The following TNFSF4 variants were observed in gnomAD, a reference collection of about 807,000 sequenced individuals.
The protein encoded by TNFSF4 is TNF superfamily member 4.
A neutral mutation model predicts 7.3 loss-of-function variants in TNFSF4; 4 were observed. The ratio of observed to expected loss-of-function variants is 0.55; its 90% CI spans 0.27 to 1.25. The LOEUF (loss-of-function observed/expected upper bound fraction) is 1.25, where lower values mean the gene tolerates loss of function less well. Among genes scored for constraint, TNFSF4 ranks in the 50% most tolerant of loss-of-function variants. The pLI, the probability that TNFSF4 is intolerant of heterozygous loss-of-function variation, is 0.12. For missense variants in TNFSF4, 181 were observed against 208.8 expected (o/e 0.87, Z 0.82); for synonymous variants, 76 against 83.7 (o/e 0.91, Z 0.50).
the TNFSF4 span, among the ~76,000 whole-genome samples, chr1:173,257,866 A>G: frequency 6.6e-6 from 1 of 152,200 alleles, no homozygotes; most frequent in Non-Finnish European, 1.5e-5. Flanking sequence ...GTTGAACTCA[A>G]TTTCTGGCAC....
chr1:173,194,457 G>GAT (rs1649610932), intron 1 of TNFSF4, among the ~76,000 whole-genome samples: 1 of 152,186 alleles, frequency 6.6e-6, no homozygotes, highest in African/African-American at 2.4e-5. Context: ...ATCACTGTAG[G>GAT]CTTTGACAGC....
the TNFSF4 span, chr1:173,440,763 TTA>T: frequency 6.6e-6 from 1 of 152,230 alleles, no homozygotes; most frequent in East Asian, 1.9e-4. Flanking sequence ...AAAAATAGGT[TTA>T]TTTTTTAATA....
the TNFSF4 span, among the ~76,000 whole-genome samples, chr1:173,303,930 T>C: frequency 1.3e-5 from 2 of 151,972 alleles, no homozygotes; most frequent in Non-Finnish European, 2.9e-5. Flanking sequence ...TCATAATTAT[T>C]TTTATTCTGT....
the TNFSF4 span, among the ~76,000 whole-genome samples, chr1:173,411,580 A>G: frequency 6.6e-6 from 1 of 152,126 alleles, no homozygotes; most frequent in Non-Finnish European, 1.5e-5. Context: ...TGGGCAGATC[A>G]CTTGAGGCCA....
chr1:173,234,184 G>A, the TNFSF4 span, among the ~76,000 whole-genome samples: 32 of 152,248 alleles, frequency 2.1e-4, no homozygotes, highest in Admixed American at 2.0e-3. Context: ...GCAGCCAACA[G>A]GCACATGAAA....
In TNFSF4 at chr1:173,184,758, A is replaced by G. The variant is rs1649152418; in HGVS notation, c.*1758T>C. ...ACAATCTTCTGAGTAGTGAAGCCAG[A>G]TATCATTGAATATCTGTCTCAGAAT... On this transcript the variant is annotated 3_prime_UTR_variant, in exon 3 of 3. Transcript: ENST00000281834. 1 of 152,140 alleles carries G rather than the reference A, an allele frequency of 6.6e-6. No homozygotes were observed. Among genetic ancestry groups the G allele is most frequent in the Admixed American group, 6.5e-5 (1 of 15,270 alleles). The allele number at this position is 152,140 out of a possible 1,614,324, so 9.4% of individuals were successfully genotyped here.
the TNFSF4 span, among the ~76,000 whole-genome samples, chr1:173,255,967 T>A: frequency 6.6e-6 from 1 of 152,104 alleles, no homozygotes; most frequent in Non-Finnish European, 1.5e-5. Context: ...AAGGTGGAAG[T>A]GGAAAAGAGA....
the TNFSF4 span, among the ~76,000 whole-genome samples, chr1:173,321,089 C>T: frequency 6.6e-6 from 1 of 152,178 alleles, no homozygotes; most frequent in African/African-American, 2.4e-5. Flanking sequence ...TACTACAAGG[C>T]TACAGTAACC....
chr1:173,317,404 T>C, the TNFSF4 span, among the ~76,000 whole-genome samples: 3 of 152,240 alleles, frequency 2.0e-5, no homozygotes, highest in Non-Finnish European at 1.5e-5. Context: ...GTGTGATTAC[T>C]ACACATACCT....
the TNFSF4 span, among the ~76,000 whole-genome samples, chr1:173,319,711 A>G: frequency 2.6e-5 from 4 of 152,236 alleles, no homozygotes; most frequent in South Asian, 2.1e-4. Context: ...ATACCCAGGG[A>G]AACAGGGTCT....
chr1:173,327,195 C>T, the TNFSF4 span, among the ~76,000 whole-genome samples: 3 of 152,074 alleles, frequency 2.0e-5, no homozygotes, highest in African/African-American at 7.2e-5. Context: ...CAGAACAGAG[C>T]CCTCAGAAAT....
At chr1:173,369,305 G>A in the TNFSF4 span, among the ~76,000 whole-genome samples, 1 of 152,188 alleles carries the variant, frequency 6.6e-6, no homozygotes, top group Admixed American at 6.5e-5. Context: ...GACTCTAACA[G>A]GTTTTTGAGA....
the TNFSF4 span, among the ~76,000 whole-genome samples, chr1:173,401,652 C>CA: frequency 6.6e-6 from 1 of 152,252 alleles, no homozygotes; most frequent in South Asian, 2.1e-4. Flanking sequence ...TGAACTACAC[C>CA]ACTGGCTTTC....
At chr1:173,426,341 C>G in the TNFSF4 span, among the ~76,000 whole-genome samples, 2 of 152,168 alleles carry the variant, frequency 1.3e-5, no homozygotes, top group African/African-American at 4.8e-5. Flanking sequence ...AGGCAAGAGA[C>G]AGCGGACAGG....
the TNFSF4 span, among the ~76,000 whole-genome samples, chr1:173,436,242 G>A: frequency 6.6e-6 from 1 of 152,148 alleles, no homozygotes; most frequent in Non-Finnish European, 1.5e-5. Flanking sequence ...CAGAAGCGAA[G>A]GCAGCCAATA....
chr1:173,316,281 A>G, the TNFSF4 span, among the ~76,000 whole-genome samples: 5 of 152,192 alleles, frequency 3.3e-5, no homozygotes, highest in Non-Finnish European at 7.4e-5. Flanking sequence ...CTGTAGATAT[A>G]TATGTCAAAA....
chr1:173,200,905 A>T (rs1649916385), intron 1 of TNFSF4, among the ~76,000 whole-genome samples: 1 of 152,238 alleles, frequency 6.6e-6, no homozygotes, highest in African/African-American at 2.4e-5. Context: ...GTCAAGAAGC[A>T]TGTGTTCTTA....
At chr1:173,250,552 C>T in the TNFSF4 span, among the ~76,000 whole-genome samples, 1 of 151,864 alleles carries the variant, frequency 6.6e-6, no homozygotes, top group Non-Finnish European at 1.5e-5. Context: ...CTCCGCCTCC[C>T]GGGTTCACGC....
the TNFSF4 span, among the ~76,000 whole-genome samples, chr1:173,405,690 A>T: frequency 6.6e-6 from 1 of 152,262 alleles, no homozygotes; most frequent in Non-Finnish European, 1.5e-5. Flanking sequence ...AAATTAAATA[A>T]GATTGGCACA....
Sources: allele counts gnomAD v4.1 joint callset (sites outside exome capture counted in the v4.1 genomes callset), GRCh38; gene constraint gnomAD v4.1.1; transcripts MANE v1.5; gene names NCBI Gene and HGNC (gene_info 2026-07-23, HGNC 2026-07-21).